Variants in ABCB7 observed in about 807,000 individuals in gnomAD.
ABCB7 encodes ATP binding cassette subfamily B member 7.
ABCB7 carries 7 observed loss-of-function variants against 54.4 expected under a neutral mutation model. The ratio of observed to expected loss-of-function variants is 0.13; its 90% CI spans 0.07 to 0.24. The LOEUF (loss-of-function observed/expected upper bound fraction) is 0.24, where lower values mean the gene tolerates loss of function less well. Ranked by LOEUF, ABCB7 falls within the 10% of genes least tolerant of loss-of-function variation. The pLI is 1.00. For missense variants in ABCB7, 356 were observed against 570.4 expected (o/e 0.62, Z 3.83); for synonymous variants, 218 against 207.1 (o/e 1.05, Z -0.45).
Position 75,149,707 on chromosome X carries a change from T to C in ABCB7, c.168+6398A>G, listed in dbSNP as rs770331862. Among the ~76,000 whole-genome samples, 4 of 111,808 alleles carry C rather than the reference T, an allele frequency of 3.6e-5. No homozygotes were observed. In the South Asian group the frequency reaches 1.5e-3, roughly 42 times the overall value. On this transcript the variant is annotated intron_variant, in intron 1 of 15. Transcript: ENST00000373394. ...AATCTTATCTCCTCCACAAGATACATAACTACTTGTAGGAAAAAGTGTTGT... is the reference window on the plus strand; with the variant it reads ...AATCTTATCTCCTCCACAAGATACACAACTACTTGTAGGAAAAAGTGTTGT...
intron 5 of ABCB7, among the ~76,000 whole-genome samples, chrX:75,075,939 G>GT (rs984944848): frequency 2.0e-4 from 22 of 110,952 alleles, no homozygotes; most frequent in African/African-American, 2.6e-4. Context: ...GTCTGTTGAG[G>GT]TTTTTTTTAT....
At chrX:75,103,176 C>G (rs2081654031) in intron 3 of ABCB7, among the ~76,000 whole-genome samples, 1 of 111,464 alleles carries the variant, frequency 9.0e-6, no homozygotes, top group Non-Finnish European at 1.9e-5. Context: ...CAGGTCTTCA[C>G]CACAAAATCT....
At chrX:75,125,669 C>G (rs1305646801) in intron 1 of ABCB7, among the ~76,000 whole-genome samples, 2 of 111,150 alleles carry the variant, frequency 1.8e-5, no homozygotes, top group East Asian at 2.8e-4. Flanking sequence ...GGCACTCAAG[C>G]CTGAGGTTTC....
chrX:75,103,002 C>T (rs755515427), intron 3 of ABCB7, among the ~76,000 whole-genome samples: 12 of 110,834 alleles, frequency 1.1e-4, no homozygotes, highest in Admixed American at 4.8e-4. Context: ...GAGTTGAATT[C>T]CTTGTATATT....
In ABCB7 at chrX:75,052,772, T is replaced by G. The variant is rs2081204821; in HGVS notation, c.*598A>C. The G allele has an allele frequency of 1.0e-5, 1 of 97,514 alleles. No individual in the cohort carries two copies. The highest frequency in any genetic ancestry group is 1.9e-5 in the Non-Finnish European group (1 of 51,630). 8.0% of individuals were successfully genotyped at this position (97,514 alleles called of 1,213,427 possible). A position where few individuals can be genotyped will look rare whatever the true frequency, so the allele number is the denominator to read the frequency against. ...CAGCCTGGGTGACAGAATGAGAATC[T>G]GTCTCAAAAAAAAAAAACAACAAAA... On this transcript the variant is annotated 3_prime_UTR_variant, in exon 16 of 16. Coordinates refer to ENST00000373394, the MANE Select transcript of ABCB7 (RefSeq NM_001271696.3).
At chrX:75,094,030 ATATATATATATATATATATATATC>A (rs1229532611) in intron 4 of ABCB7, among the ~76,000 whole-genome samples, 6 of 30,441 alleles carry the variant, frequency 2.0e-4, no homozygotes, top group South Asian at 1.5e-3. Context: ...ATATATATAT[ATATATATATATATATATATATATC>A]TATCTTATTA....
chrX:75,130,866 T>G (rs770123578), intron 1 of ABCB7, among the ~76,000 whole-genome samples: 1 of 110,652 alleles, frequency 9.0e-6, no homozygotes, highest in South Asian at 3.8e-4. Flanking sequence ...AGTGTACATA[T>G]TAACAACTAT....
At chrX:75,137,122 G>A (rs1293764619) in intron 1 of ABCB7, among the ~76,000 whole-genome samples, 1 of 112,156 alleles carries the variant, frequency 8.9e-6, no homozygotes, top group Non-Finnish European at 1.9e-5. Flanking sequence ...GGTAATATTT[G>A]CAAACTATGT....
chrX:75,091,822 T>G (rs1304715898), intron 4 of ABCB7, among the ~76,000 whole-genome samples: 2 of 111,295 alleles, frequency 1.8e-5, no homozygotes, highest in African/African-American at 6.5e-5. Flanking sequence ...TACAACACCA[T>G]TTAAATTAAC....
chrX:75,057,385 CTT>C (rs1356870433), intron 15 of ABCB7, among the ~76,000 whole-genome samples: 1 of 99,678 alleles, frequency 1.0e-5, no homozygotes, highest in Non-Finnish European at 2.1e-5. Context: ...GTTTCCTTTA[CTT>C]TTTTTTTTTT....
At chrX:75,127,557 C>T (rs988349582) in intron 1 of ABCB7, among the ~76,000 whole-genome samples, 1 of 111,416 alleles carries the variant, frequency 9.0e-6, no homozygotes, top group Admixed American at 9.6e-5. Flanking sequence ...AAGTTCTGGC[C>T]AGGGCAATCA....
intron 2 of ABCB7, 123 bp from the exon 3 acceptor site, chrX:75,113,095 G>C: frequency 1.8e-6 from 1 of 550,855 alleles, no homozygotes; most frequent in South Asian, 2.7e-5. Flanking sequence ...ATAGTATTTA[G>C]TCTGGCATAG....
In ABCB7 at chrX:75,074,038, G is replaced by A. The variant is rs2081386993; in HGVS notation, c.856-82C>T. ...TTTGTAATACACAACAGCAAATCTC[G>A]GTCAAAAGATTTTAACAAAAATATG... On this transcript the variant is annotated intron_variant, in intron 6 of 15. Coordinates refer to ENST00000373394, the MANE Select transcript of ABCB7 (RefSeq NM_001271696.3). 4.9e-6 allele frequency: 4 copies of A among 815,531 alleles called. No individual in the cohort carries two copies. In the African/African-American group the frequency reaches 6.1e-5, roughly 12 times the overall value. The allele number at this position is 815,531 out of a possible 1,213,427, so 67.2% of individuals were successfully genotyped here.
At chrX:75,055,179 T>C (rs897749427) in intron 15 of ABCB7, among the ~76,000 whole-genome samples, 2 of 110,677 alleles carry the variant, frequency 1.8e-5, no homozygotes, top group African/African-American at 3.3e-5. Context: ...ATTTCAAGAG[T>C]GACACAATGA....
intron 1 of ABCB7, among the ~76,000 whole-genome samples, chrX:75,126,878 T>C (rs1602398661): frequency 9.0e-6 from 1 of 111,383 alleles, no homozygotes; most frequent in Non-Finnish European, 1.9e-5. Flanking sequence ...AATCCCTGAA[T>C]AGACCAATAA....
intron 3 of ABCB7, among the ~76,000 whole-genome samples, chrX:75,105,364 T>C (rs1021441324): frequency 4.5e-5 from 5 of 111,245 alleles, no homozygotes; most frequent in Admixed American, 1.9e-4. Context: ...AGCATTTCTA[T>C]ACATCAATAA....
chrX:75,150,061 T>C (rs979910712), intron 1 of ABCB7, among the ~76,000 whole-genome samples: 16 of 111,382 alleles, frequency 1.4e-4, no homozygotes, highest in Non-Finnish European at 2.8e-4. Flanking sequence ...ATAAAAGTCA[T>C]GCCTTAGGAA....
At chrX:75,109,915 A>G (rs2081743277) in intron 3 of ABCB7, among the ~76,000 whole-genome samples, 1 of 112,187 alleles carries the variant, frequency 8.9e-6, no homozygotes, top group African/African-American at 3.2e-5. Flanking sequence ...AAAACTAGCG[A>G]GTTCAGTCGA....
intron 4 of ABCB7, among the ~76,000 whole-genome samples, chrX:75,092,879 T>C (rs1289729158): frequency 1.8e-5 from 2 of 111,866 alleles, no homozygotes; most frequent in African/African-American, 6.5e-5. Context: ...CACACACCTA[T>C]TAGAATGGCT....
Sources: gnomAD v4.1 joint callset for allele counts (sites outside exome capture counted in the v4.1 genomes callset) on GRCh38, gnomAD v4.1.1 for gene constraint, MANE v1.5 for transcripts, NCBI Gene and HGNC (gene_info 2026-07-23, HGNC 2026-07-21) for gene names.